Variants in ZC2HC1A observed in about 807,000 individuals in gnomAD.
ZC2HC1A encodes zinc finger C2HC-type containing 1A, also known as zinc finger C2HC domain-containing protein 1A.
A neutral mutation model predicts 40.7 loss-of-function variants in ZC2HC1A; 28 were observed. The ratio of observed to expected loss-of-function variants is 0.69; its 90% CI spans 0.51 to 0.94. The LOEUF (loss-of-function observed/expected upper bound fraction) is 0.94. Ranked by LOEUF, ZC2HC1A falls within the 40% of genes least tolerant of loss-of-function variation. ZC2HC1A has a pLI of 0.00. For synonymous variants in ZC2HC1A, 129 were observed against 129.2 expected, an observed-to-expected ratio of 1.00 and a Z score of 0.01; for missense variants, 389 against 386.3, an observed-to-expected ratio of 1.01 and a Z score of -0.06.
At chr8:78,678,491 T>C in intron 2 of ZC2HC1A, 72 bp from the exon 3 acceptor site, 2 of 1,165,196 alleles carry the variant, frequency 1.7e-6, no homozygotes, top group South Asian at 1.5e-5. Flanking sequence ...CTGGTCTCAA[T>C]GTAAATAAAG....
intron 7 of ZC2HC1A, chr8:78,712,099 A>T (rs952536954): frequency 1.8e-4 from 231 of 1,283,440 alleles, no homozygotes; most frequent in Non-Finnish European, 2.3e-4. Flanking sequence ...GTTATTACCT[A>T]TTTACAAGTA....
At chr8:78,669,380 C>T (rs1373321936) in intron 1 of ZC2HC1A, among the ~76,000 whole-genome samples, 1 of 141,598 alleles carries the variant, frequency 7.1e-6, no homozygotes, top group Non-Finnish European at 1.5e-5. Flanking sequence ...ATATGTAAAA[C>T]ATTTAGCTAA....
chr8:78,693,131 T>C (rs1810269716), intron 5 of ZC2HC1A, among the ~76,000 whole-genome samples: 1 of 152,144 alleles, frequency 6.6e-6, no homozygotes, highest in Admixed American at 6.5e-5. Flanking sequence ...CAGTCTATCA[T>C]TGTTGGACAT....
intron 5 of ZC2HC1A, among the ~76,000 whole-genome samples, chr8:78,693,168 T>C (rs1339657593): frequency 1.3e-5 from 2 of 152,278 alleles, no homozygotes; most frequent in African/African-American, 2.4e-5. Flanking sequence ...TCTTTGCTAT[T>C]GTGAATAGTG....
At chr8:78,684,125 C>T (rs1809876713) in intron 3 of ZC2HC1A, among the ~76,000 whole-genome samples, 1 of 152,196 alleles carries the variant, frequency 6.6e-6, no homozygotes, top group Non-Finnish European at 1.5e-5. Context: ...TTACCCAGTT[C>T]CAAAGTTGCT....
chr8:78,701,356 T>C (rs1256034624), intron 7 of ZC2HC1A, among the ~76,000 whole-genome samples: 1 of 152,216 alleles, frequency 6.6e-6, no homozygotes, highest in Non-Finnish European at 1.5e-5. Flanking sequence ...ATCCTGAGAC[T>C]TTGCTAAAGT....
intron 3 of ZC2HC1A, among the ~76,000 whole-genome samples, chr8:78,681,623 G>A (rs879727934): frequency 5.9e-5 from 9 of 152,210 alleles, no homozygotes; most frequent in Admixed American, 2.6e-4. Flanking sequence ...ATTGATGCTA[G>A]ATTTTTCTTA....
chr8:78,676,944 G>A (rs1296559577), intron 2 of ZC2HC1A, among the ~76,000 whole-genome samples: 1 of 151,888 alleles, frequency 6.6e-6, no homozygotes, highest in Non-Finnish European at 1.5e-5. Flanking sequence ...AACTTAATAA[G>A]GAACATATGT....
intron 1 of ZC2HC1A, among the ~76,000 whole-genome samples, chr8:78,668,950 G>T (rs551529665): frequency 6.6e-6 from 1 of 152,214 alleles, no homozygotes; most frequent in South Asian, 2.1e-4. Context: ...GCAGAGATCA[G>T]ACTGTCCGTT....
At chr8:78,681,901 C>CTTTTTTTTTTT (rs56181953) in intron 3 of ZC2HC1A, among the ~76,000 whole-genome samples, 89 of 126,454 alleles carry the variant, frequency 7.0e-4, no homozygotes, top group African/African-American at 9.9e-4. Flanking sequence ...CTTTTTCTTT[C>CTTTTTTTTTTT]TTTTTTTTTT....
intron 3 of ZC2HC1A, among the ~76,000 whole-genome samples, chr8:78,681,881 C>A (rs766431796): frequency 1.4e-5 from 2 of 146,292 alleles, no homozygotes; most frequent in Non-Finnish European, 3.0e-5. Context: ...AATTTGAGTT[C>A]TCTTTTTTCC....
chr8:78,713,858 A>T lies in ZC2HC1A; in HGVS notation c.705-1363A>T, dbSNP rs1811019422. Among the ~76,000 whole-genome samples the T allele has an allele frequency of 3.3e-5, 5 of 152,148 alleles. No individual in the cohort carries two copies. The South Asian group carries it at 1.0e-3, about 32-fold the overall frequency. On this transcript the variant is annotated intron_variant, in intron 7 of 8. Coordinates refer to ENST00000263849, the MANE Select transcript of ZC2HC1A (RefSeq NM_016010.3). ...ATGCTTCCACTTTAAAATGGGAATAATATCTTCTGAGATTTGGGGGACATT... is the reference window on the plus strand; with the variant it reads ...ATGCTTCCACTTTAAAATGGGAATATTATCTTCTGAGATTTGGGGGACATT...
intron 4 of ZC2HC1A, 81 bp downstream of exon 4, chr8:78,686,689 C>G (rs755121274): frequency 2.3e-6 from 3 of 1,332,286 alleles, no homozygotes; most frequent in Non-Finnish European, 2.9e-6. Flanking sequence ...ACTTGTTAAG[C>G]TTAACTTACA....
chr8:78,684,548 A>G (rs1256512431), intron 3 of ZC2HC1A, among the ~76,000 whole-genome samples: 1 of 152,230 alleles, frequency 6.6e-6, no homozygotes, highest in Admixed American at 6.5e-5. Flanking sequence ...GCCAAACTAT[A>G]TCAATAGATA....
chr8:78,699,486 T>C (rs1328565872), intron 7 of ZC2HC1A, among the ~76,000 whole-genome samples: 2 of 152,072 alleles, frequency 1.3e-5, no homozygotes, highest in African/African-American at 4.8e-5. Flanking sequence ...AACTTTTAAG[T>C]TCAGGGATAC....
chr8:78,712,044 G>C, intron 7 of ZC2HC1A: 1 of 1,289,706 alleles, frequency 7.8e-7, no homozygotes, highest in Non-Finnish European at 1.0e-6. Context: ...TGCAAAGGTT[G>C]TATGACAGTG....
intron 8 of ZC2HC1A, 126 bp from the exon 9 acceptor site, chr8:78,717,202 C>A: frequency 1.2e-6 from 1 of 802,050 alleles, no homozygotes; most frequent in South Asian, 2.9e-5. Flanking sequence ...AAAATTTGAA[C>A]TAGAGGAATA....
At chr8:78,696,186 T>C (rs7825406) in intron 5 of ZC2HC1A, among the ~76,000 whole-genome samples, 118,208 of 151,648 alleles carry the variant, frequency 0.78, 46,449 homozygotes, top group East Asian at 0.91. Flanking sequence ...AGGCGCCCGC[T>C]ACCACGCCCG....
rs190298234 is a variant in ZC2HC1A, at chr8:78,668,073, T to C, written c.16+1909T>C. The stretch of plus-strand genomic sequence containing the variant: ...AATTATGTAGGGCAAAACAGTTGAA[T>C]TCTGGTAATTTCAAGCAGTTCAATC... On this transcript the variant is annotated intron_variant, in intron 1 of 8. Coordinates refer to ENST00000263849, the MANE Select transcript of ZC2HC1A (RefSeq NM_016010.3). Among the ~76,000 whole-genome samples, 3 of 152,210 alleles carry C rather than the reference T, an allele frequency of 2.0e-5. No individual in the cohort carries two copies. The East Asian group carries it at 5.8e-4, about 29-fold the overall frequency.
Sources: gnomAD v4.1 joint callset for allele counts (sites outside exome capture counted in the v4.1 genomes callset) on GRCh38, gnomAD v4.1.1 for gene constraint, MANE v1.5 for transcripts, NCBI Gene and HGNC (gene_info 2026-07-23, HGNC 2026-07-21) for gene names.